TMPRSS11D: variants seen among roughly 807,000 people sequenced by gnomAD.
TMPRSS11D encodes the protein transmembrane protease serine 11D.
A neutral mutation model predicts 44.4 loss-of-function variants in TMPRSS11D; 32 were observed. The observed-to-expected ratio is 0.72, with a 90% CI of 0.54 to 0.97. The LOEUF (loss-of-function observed/expected upper bound fraction) is 0.97. Ranked by LOEUF, TMPRSS11D falls within the 50% of genes least tolerant of loss-of-function variation. The pLI is 0.00. For synonymous variants in TMPRSS11D, 179 were observed against 177.9 expected, an observed-to-expected ratio of 1.01 and a Z score of -0.05; for missense variants, 446 against 502.6, an observed-to-expected ratio of 0.89 and a Z score of 1.08.
intron 1 of TMPRSS11D, among the ~76,000 whole-genome samples, chr4:67,863,464 A>G (rs866938257): frequency 5.9e-5 from 9 of 152,056 alleles, no homozygotes; most frequent in Non-Finnish European, 8.8e-5. Flanking sequence ...TCCAATTAAA[A>G]CATGATCATT....
At chr4:67,825,661 C>T (rs774215088) in intron 9 of TMPRSS11D, 71 bp downstream of exon 9, 11 of 1,525,894 alleles carry the variant, frequency 7.2e-6, no homozygotes, top group Non-Finnish European at 9.8e-6. Flanking sequence ...ATGTCTATCA[C>T]ATTATCACAT....
chr4:67,852,036 C>G (rs1457128384), intron 3 of TMPRSS11D, among the ~76,000 whole-genome samples: 2 of 152,286 alleles, frequency 1.3e-5, no homozygotes. Flanking sequence ...ACCTCTACCC[C>G]CTGGCTCTGA....
intron 6 of TMPRSS11D, chr4:67,833,761 G>C (rs796951682): frequency 2.5e-5 from 4 of 158,096 alleles, no homozygotes; most frequent in African/African-American, 9.5e-5. Flanking sequence ...TGGTTTGTGG[G>C]CCTGCAGCAT....
intron 3 of TMPRSS11D, among the ~76,000 whole-genome samples, chr4:67,845,875 A>G (rs1479728741): frequency 6.6e-6 from 1 of 152,198 alleles, no homozygotes; most frequent in Non-Finnish European, 1.5e-5. Context: ...TTAGTAGAAC[A>G]GGTCACATAA....
Position 67,883,975 on chromosome 4 carries a change from C to G in TMPRSS11D, c.-42G>C. 6.3e-7 allele frequency: 1 copy of G among 1,589,688 alleles called. No individual in the cohort carries two copies. The highest frequency in any genetic ancestry group is 8.6e-7 in the Non-Finnish European group (1 of 1,166,850). On this transcript the variant is annotated 5_prime_UTR_variant, in exon 1 of 10. Transcript: ENST00000283916. ...GAGGTTCTTTTTTCTGCCTACTCAA[C>G]TGCTTTGAGATTCCCACTCAAATGA...
At chr4:67,848,825 T>C (rs756280208) in intron 3 of TMPRSS11D, among the ~76,000 whole-genome samples, 2 of 152,184 alleles carry the variant, frequency 1.3e-5, no homozygotes, top group Non-Finnish European at 2.9e-5. Context: ...TTCCCAATCA[T>C]GCCGGTCTTC....
In TMPRSS11D at chr4:67,821,340, AGCTATTTAAACTTTT is replaced by A. The variant is rs1261803618; in HGVS notation, c.*982_*996del. 2 of 152,144 alleles carry A rather than the reference AGCTATTTAAACTTTT, an allele frequency of 1.3e-5. No homozygotes were observed. Among genetic ancestry groups the A allele is most frequent in the African/African-American group, 4.8e-5 (2 of 41,428 alleles). The allele number at this position is 152,144 out of a possible 1,614,324, so 9.4% of individuals were successfully genotyped here. On this transcript the variant is annotated 3_prime_UTR_variant, in exon 10 of 10. Coordinates refer to ENST00000283916, the MANE Select transcript of TMPRSS11D (RefSeq NM_004262.3). ...CTTCAGGATCATTCTATTGATATTA[AGCTATTTAAACTTTT>A]CCTTTGCAAACCAACTCTTCCCCCT...
chr4:67,870,708 G>A (rs559030274), intron 1 of TMPRSS11D, among the ~76,000 whole-genome samples: 1 of 147,262 alleles, frequency 6.8e-6, no homozygotes, highest in Non-Finnish European at 1.5e-5. Flanking sequence ...CAGCTACTCA[G>A]GAGGCTGAGG....
chr4:67,847,624 G>C (rs918251583), intron 3 of TMPRSS11D, among the ~76,000 whole-genome samples: 1 of 152,126 alleles, frequency 6.6e-6, no homozygotes, highest in Non-Finnish European at 1.5e-5. Context: ...TCAGATCTCA[G>C]AATGTCTTCA....
At position 67,821,944 on chromosome 4, in the gene TMPRSS11D, T is replaced by G. The variant is rs186848529; in HGVS notation, c.*393A>C. Reference sequence around the variant, plus strand: ...TTTTCCTTTGCATGTTTCCACAGTTTGCTTACTTCTCATCCTCAGTGAAAC... The same window carrying G: ...TTTTCCTTTGCATGTTTCCACAGTTGGCTTACTTCTCATCCTCAGTGAAAC... On this transcript the variant is annotated 3_prime_UTR_variant, in exon 10 of 10. Transcript: ENST00000283916. 4.4e-5 allele frequency: 7 copies of G among 157,490 alleles called. No homozygotes were observed. The highest frequency in any genetic ancestry group is 1.4e-4 in the African/African-American group (6 of 41,610). 9.8% of individuals were successfully genotyped at this position (157,490 alleles called of 1,614,324 possible).
intron 1 of TMPRSS11D, among the ~76,000 whole-genome samples, chr4:67,863,169 C>T (rs1718833452): frequency 6.6e-6 from 1 of 151,164 alleles, no homozygotes; most frequent in South Asian, 2.1e-4. Context: ...GGCAACTACA[C>T]TGTGTCTTTA....
rs1324706294 is a variant in TMPRSS11D at position 67,825,851 on chromosome 4, G to T, written c.976C>A (p.Gln326Lys). Residue 326 changes from glutamine to lysine, a missense_variant, in exon 9 of 10, where the codon CAA (glutamine) becomes AAA (lysine). Coordinates refer to ENST00000283916, the MANE Select transcript of TMPRSS11D (RefSeq NM_004262.3). ...TTACTTATTATTCTGACCTGTCCTT[G>T]CCTTAGCTCTGGAACTGTGTGGCCT... The part of the protein sequence containing the change: ...YAGHTVPELR[Q>K]GQVRIISNDV... 1 of 1,612,426 alleles carries T rather than the reference G, an allele frequency of 6.2e-7. No homozygotes were observed. The highest frequency in any genetic ancestry group is 1.7e-5 in the Admixed American group (1 of 59,902).
intron 1 of TMPRSS11D, among the ~76,000 whole-genome samples, chr4:67,879,060 T>C (rs1450171773): frequency 3.3e-5 from 5 of 152,204 alleles, no homozygotes; most frequent in Non-Finnish European, 7.3e-5. Context: ...GAGCATTTTG[T>C]GTTTTCCAGT....
intron 3 of TMPRSS11D, among the ~76,000 whole-genome samples, chr4:67,853,084 A>C (rs915976545): frequency 6.6e-5 from 10 of 152,204 alleles, no homozygotes; most frequent in Non-Finnish European, 1.3e-4. Context: ...ACGATGGCTG[A>C]AATATGAGCC....
rs1577813016 is a variant in TMPRSS11D at position 67,843,739 on chromosome 4, C to T, written c.250-1114G>A. The stretch of plus-strand genomic sequence containing the variant: ...GAGATCGAGACCATCCTGGCTAACA[C>T]GGTGAAACTCCGTCTCTACTAAAAA... On this transcript the variant is annotated intron_variant, in intron 3 of 9. Transcript: ENST00000283916. Among the ~76,000 whole-genome samples, 3 of 151,978 alleles carry T rather than the reference C, an allele frequency of 2.0e-5. 1 individual carries two copies. The highest frequency in any genetic ancestry group is 4.2e-4 in the South Asian group (2 of 4,802).
chr4:67,828,806 G>A (rs1012646313), intron 7 of TMPRSS11D, among the ~76,000 whole-genome samples: 1 of 152,134 alleles, frequency 6.6e-6, no homozygotes, highest in Admixed American at 6.5e-5. Context: ...TCCAGTCAAA[G>A]CAAAACCAGA....
chr4:67,856,653 G>C (rs1035469692), intron 2 of TMPRSS11D, among the ~76,000 whole-genome samples: 2 of 151,946 alleles, frequency 1.3e-5, no homozygotes, highest in African/African-American at 4.8e-5. Flanking sequence ...AAACTAAAAA[G>C]CTTCTGCACA....
At chr4:67,846,796 A>G (rs1288583526) in intron 3 of TMPRSS11D, among the ~76,000 whole-genome samples, 4 of 152,248 alleles carry the variant, frequency 2.6e-5, no homozygotes, top group Non-Finnish European at 5.9e-5. Flanking sequence ...AACATACTTT[A>G]TATGATTTTC....
In TMPRSS11D at chr4:67,827,334, G is replaced by C. The variant is rs761896718; in HGVS notation, c.879C>G (p.Leu293=). The C allele has an allele frequency of 6.2e-7, 1 of 1,613,220 alleles. No individual in the cohort carries two copies. Among genetic ancestry groups the C allele is most frequent in the Admixed American group, 1.7e-5 (1 of 59,860 alleles). Residue 293 remains leucine (L), a synonymous_variant, in exon 8 of 10, where the codon CTC becomes CTG. Coordinates refer to ENST00000283916, the MANE Select transcript of TMPRSS11D (RefSeq NM_004262.3). ...GTGGAATATTCTGGGTAGCAGCTGGGAGACACACACTATGGATATCTTTGG... is the reference window on the plus strand; with the variant it reads ...GTGGAATATTCTGGGTAGCAGCTGGCAGACACACACTATGGATATCTTTGG... ...TFTKDIHSVC[L]PAATQNIPPG...
Sources: allele counts gnomAD v4.1 joint callset (sites outside exome capture counted in the v4.1 genomes callset), GRCh38; gene constraint gnomAD v4.1.1; transcripts MANE v1.5; gene names NCBI Gene and HGNC (gene_info 2026-07-23, HGNC 2026-07-21).